PRKD1: variants seen among roughly 807,000 people sequenced by gnomAD.
PRKD1 encodes the protein protein kinase D1, also known as serine/threonine-protein kinase D1.
In PRKD1, 63 loss-of-function variants were observed where a neutral mutation model predicts 95.9. The observed-to-expected ratio is 0.66, with a 90% confidence interval of 0.54 to 0.81. The LOEUF (loss-of-function observed/expected upper bound fraction) is 0.81. Ranked by LOEUF, PRKD1 falls within the 30% of genes least tolerant of loss-of-function variation. PRKD1 has a pLI of 0.00. For missense variants in PRKD1, 1,048 were observed against 1,165.3 expected, an observed-to-expected ratio of 0.90 and a Z score of 1.47; for synonymous variants, 425 against 423.1, an observed-to-expected ratio of 1.00 and a Z score of -0.05.
intron 2 of PRKD1, among the ~76,000 whole-genome samples, chr14:29,682,305 G>A (rs1883583470): frequency 6.6e-6 from 1 of 152,064 alleles, no homozygotes; most frequent in Non-Finnish European, 1.5e-5. Context: ...TATGCACTTT[G>A]GTAGGAGAGA....
chr14:29,762,108 G>C (rs1444965864), intron 1 of PRKD1, among the ~76,000 whole-genome samples: 1 of 152,064 alleles, frequency 6.6e-6, no homozygotes, highest in Non-Finnish European at 1.5e-5. Context: ...GAAGATGGGG[G>C]AAGAAGAGGT....
intron 2 of PRKD1, 54 bp downstream of exon 2, chr14:29,725,482 C>T: frequency 1.3e-6 from 2 of 1,577,828 alleles, no homozygotes; most frequent in Non-Finnish European, 1.7e-6. Context: ...CCCAAGAATT[C>T]TTCAAATACA....
At chr14:29,914,641 G>A (rs1894828922) in intron 1 of PRKD1, among the ~76,000 whole-genome samples, 1 of 152,182 alleles carries the variant, frequency 6.6e-6, no homozygotes, top group South Asian at 2.1e-4. Context: ...GGCTGAGGCA[G>A]AAGAATTGCT....
intron 1 of PRKD1, among the ~76,000 whole-genome samples, chr14:29,863,805 G>A (rs1011322104): frequency 1.3e-5 from 2 of 152,050 alleles, no homozygotes; most frequent in South Asian, 4.1e-4. Flanking sequence ...GGAGAACTGT[G>A]TCATGAAATA....
intron 1 of PRKD1, among the ~76,000 whole-genome samples, chr14:29,884,497 C>A (rs1893626601): frequency 6.6e-6 from 1 of 151,952 alleles, no homozygotes; most frequent in Non-Finnish European, 1.5e-5. Context: ...CCCTCATGAA[C>A]CTTGAAGATA....
chr14:29,796,453 T>G (rs1295291020), intron 1 of PRKD1, among the ~76,000 whole-genome samples: 41 of 152,128 alleles, frequency 2.7e-4, no homozygotes. Context: ...ATAGGAAAAT[T>G]GATTGTTTTG....
At position 29,845,097 on chromosome 14, in the gene PRKD1, T is replaced by C. The variant is rs117183216; in HGVS notation, c.264+82152A>G. Among the ~76,000 whole-genome samples the C allele has an allele frequency of 1.3e-5, 2 of 152,192 alleles. 1 individual carries two copies. The highest frequency in any genetic ancestry group is 4.1e-4 in the South Asian group (2 of 4,834). On this transcript the variant is annotated intron_variant, in intron 1 of 17. Transcript: ENST00000331968. ...AAAAGGAGACTAAATTAGGAAAGCATCTAGTAGTCACTGCCAAGACTGTTT... is the reference window on the plus strand; with the variant it reads ...AAAAGGAGACTAAATTAGGAAAGCACCTAGTAGTCACTGCCAAGACTGTTT...
At chr14:29,614,708 T>C (rs1238678049) in intron 13 of PRKD1, among the ~76,000 whole-genome samples, 3 of 151,956 alleles carry the variant, frequency 2.0e-5, no homozygotes, top group African/African-American at 7.2e-5. Context: ...CACATATATT[T>C]TTTTTTTTGA....
intron 1 of PRKD1, among the ~76,000 whole-genome samples, chr14:29,916,908 A>T (rs1188295913): frequency 6.6e-6 from 1 of 152,068 alleles, no homozygotes; most frequent in Admixed American, 6.6e-5. Context: ...TCCTCCCTAA[A>T]TTCTAACCAT....
chr14:29,626,382 C>T (rs1484529580), intron 12 of PRKD1, 102 bp downstream of exon 12: 3 of 923,922 alleles, frequency 3.2e-6, no homozygotes, highest in Non-Finnish European at 3.3e-6. Context: ...GAAATATATA[C>T]ACATAGGTCT....
intron 1 of PRKD1, among the ~76,000 whole-genome samples, chr14:29,896,363 T>TGTAC (rs1463314407): frequency 6.9e-5 from 9 of 129,730 alleles, no homozygotes; most frequent in Non-Finnish European, 3.3e-5. Flanking sequence ...GGCATGTGTG[T>TGTAC]GTACACACAC....
chr14:29,808,828 G>A (rs556861107), intron 1 of PRKD1, among the ~76,000 whole-genome samples: 33 of 152,160 alleles, frequency 2.2e-4, no homozygotes, highest in African/African-American at 4.1e-4. Flanking sequence ...TTATTGTTAC[G>A]GTTTTAACCA....
intron 1 of PRKD1, among the ~76,000 whole-genome samples, chr14:29,744,674 G>A (rs552638246): frequency 1.2e-3 from 183 of 152,272 alleles, no homozygotes; most frequent in Non-Finnish European, 2.3e-3. Context: ...AGCCTCCCGA[G>A]TAGTTGGGAT....
chr14:29,781,604 C>T (rs1365209416), intron 1 of PRKD1, among the ~76,000 whole-genome samples: 2 of 152,194 alleles, frequency 1.3e-5, no homozygotes, highest in African/African-American at 2.4e-5. Context: ...AAGACGTTTT[C>T]AGTTTTGATA....
intron 1 of PRKD1, among the ~76,000 whole-genome samples, chr14:29,912,328 T>C (rs1370693479): frequency 1.3e-5 from 2 of 152,194 alleles, no homozygotes; most frequent in Non-Finnish European, 2.9e-5. Context: ...ATTATTTAAT[T>C]AAAGTATAAA....
intron 1 of PRKD1, among the ~76,000 whole-genome samples, chr14:29,875,053 T>C (rs1893238063): frequency 6.6e-6 from 1 of 152,102 alleles, no homozygotes; most frequent in African/African-American, 2.4e-5. Flanking sequence ...AAAATATGTA[T>C]CAATAAAAAA....
intron 4 of PRKD1, among the ~76,000 whole-genome samples, chr14:29,660,067 T>C (rs903747930): frequency 1.3e-5 from 2 of 152,230 alleles, no homozygotes; most frequent in African/African-American, 2.4e-5. Context: ...AAGCTTCCAA[T>C]CTACCTACAA....
At chr14:29,829,396 G>A (rs1280023821) in intron 1 of PRKD1, among the ~76,000 whole-genome samples, 2 of 152,184 alleles carry the variant, frequency 1.3e-5, no homozygotes, top group Non-Finnish European at 2.9e-5. Flanking sequence ...AGGTATTTCA[G>A]TACCAGATTT....
At chr14:29,839,612 C>G (rs532867670) in intron 1 of PRKD1, among the ~76,000 whole-genome samples, 5 of 152,212 alleles carry the variant, frequency 3.3e-5, no homozygotes, top group Admixed American at 6.5e-5. Flanking sequence ...CCCCTCCATA[C>G]AGCACTAGCA....
Sources: gnomAD v4.1 joint callset for allele counts (sites outside exome capture counted in the v4.1 genomes callset) on GRCh38, gnomAD v4.1.1 for gene constraint, MANE v1.5 for transcripts, NCBI Gene and HGNC (gene_info 2026-07-23, HGNC 2026-07-21) for gene names.